The following RANBP17 variants were observed in gnomAD, a reference collection of about 807,000 sequenced individuals.
RANBP17 encodes ran-binding protein 17.
Under a neutral mutation model 141.2 loss-of-function variants are expected in RANBP17, and 158 were observed. The observed-to-expected ratio is 1.12, with a 90% CI of 0.98 to 1.28. The LOEUF (loss-of-function observed/expected upper bound fraction) is 1.28, where lower values mean the gene tolerates loss of function less well. Among genes scored for constraint, RANBP17 ranks in the 50% most tolerant of loss-of-function variants. The pLI, the probability that RANBP17 is intolerant of heterozygous loss-of-function variation, is 0.00. For synonymous variants in RANBP17, 430 were observed against 450.0 expected (o/e 0.96, Z 0.56); for missense variants, 1,438 against 1,290.7 (o/e 1.11, Z -1.75).
At chr5:171,274,736 A>G (rs1008945054) in intron 25 of RANBP17, among the ~76,000 whole-genome samples, 1 of 152,168 alleles carries the variant, frequency 6.6e-6, no homozygotes, top group Non-Finnish European at 1.5e-5. Flanking sequence ...TAAACCCCCA[A>G]AATATTAGTT....
At chr5:171,038,203 C>T (rs765123107) in intron 14 of RANBP17, among the ~76,000 whole-genome samples, 11 of 145,590 alleles carry the variant, frequency 7.6e-5, no homozygotes, top group East Asian at 4.1e-4. Context: ...TGTGCACGTG[C>T]ACAGCAATTA....
intron 14 of RANBP17, among the ~76,000 whole-genome samples, chr5:171,168,520 A>T (rs1238575651): frequency 6.6e-6 from 1 of 152,066 alleles, no homozygotes; most frequent in Non-Finnish European, 1.5e-5. Flanking sequence ...TATACGAGAG[A>T]GGTTTGGCAT....
At chr5:170,897,889 T>C (rs1770272739) in intron 5 of RANBP17, among the ~76,000 whole-genome samples, 1 of 152,254 alleles carries the variant, frequency 6.6e-6, no homozygotes, top group Non-Finnish European at 1.5e-5. Flanking sequence ...TGTGTCTTTA[T>C]AGTAGAATTA....
At chr5:171,098,225 A>G (rs963357690) in intron 14 of RANBP17, among the ~76,000 whole-genome samples, 6 of 152,154 alleles carry the variant, frequency 3.9e-5, no homozygotes, top group African/African-American at 1.4e-4. Flanking sequence ...GTCTTCCACA[A>G]TGGTTGAATT....
At chr5:171,206,210 G>A (rs1349702629) in intron 20 of RANBP17, 2 of 161,806 alleles carry the variant, frequency 1.2e-5, no homozygotes, top group East Asian at 3.7e-4. Context: ...AGACTTTGGT[G>A]ATAGACAGAC....
At chr5:171,119,363 G>A (rs540972364) in intron 14 of RANBP17, among the ~76,000 whole-genome samples, 23 of 152,190 alleles carry the variant, frequency 1.5e-4, no homozygotes, top group African/African-American at 4.3e-4. Context: ...TTTTGATATC[G>A]GGGTTATACT....
At chr5:171,157,279 G>T (rs995782462) in intron 14 of RANBP17, among the ~76,000 whole-genome samples, 1 of 152,158 alleles carries the variant, frequency 6.6e-6, no homozygotes, top group Non-Finnish European at 1.5e-5. Context: ...GATGTTTAAA[G>T]CTACAGTGTG....
At chr5:171,258,050 G>A (rs991330033) in intron 24 of RANBP17, among the ~76,000 whole-genome samples, 1 of 151,522 alleles carries the variant, frequency 6.6e-6, no homozygotes, top group African/African-American at 2.4e-5. Flanking sequence ...AGGTTGCAGT[G>A]AGCCGAGATC....
intron 24 of RANBP17, among the ~76,000 whole-genome samples, chr5:171,257,134 A>G (rs1765951410): frequency 6.6e-6 from 1 of 152,160 alleles, no homozygotes; most frequent in African/African-American, 2.4e-5. Context: ...ACTACAGGCC[A>G]TTATGAACAT....
At chr5:171,028,927 T>C (rs1392688471) in intron 14 of RANBP17, 2 of 1,288,780 alleles carry the variant, frequency 1.6e-6, no homozygotes, top group Non-Finnish European at 1.0e-6. Flanking sequence ...CTCGGGTTTC[T>C]TCTTCCTTGA....
At chr5:171,011,632 C>T (rs901328556) in intron 14 of RANBP17, among the ~76,000 whole-genome samples, 2 of 151,750 alleles carry the variant, frequency 1.3e-5, no homozygotes, top group African/African-American at 4.8e-5. Context: ...GATATATAAC[C>T]TTTTTTTGGT....
intron 14 of RANBP17, among the ~76,000 whole-genome samples, chr5:171,094,260 T>A (rs1307852851): frequency 6.6e-6 from 1 of 152,086 alleles, no homozygotes; most frequent in African/African-American, 2.4e-5. Flanking sequence ...GTGTTTTAAT[T>A]GTGTGTGTTG....
intron 21 of RANBP17, among the ~76,000 whole-genome samples, chr5:171,215,257 A>T (rs1478947081): frequency 1.3e-5 from 2 of 152,066 alleles, no homozygotes; most frequent in Non-Finnish European, 2.9e-5. Context: ...ATGGCTGCAT[A>T]GTGTTCCGTG....
At chr5:171,159,896 C>T (rs1283009190) in intron 14 of RANBP17, among the ~76,000 whole-genome samples, 13 of 121,134 alleles carry the variant, frequency 1.1e-4, no homozygotes, top group Admixed American at 9.1e-4. Flanking sequence ...CCAGCCTGGG[C>T]GACAGAGTGA....
intron 25 of RANBP17, among the ~76,000 whole-genome samples, chr5:171,289,463 C>T (rs1768352922): frequency 6.6e-6 from 1 of 152,146 alleles, no homozygotes; most frequent in African/African-American, 2.4e-5. Flanking sequence ...TTGGGCATTT[C>T]GGCCAGGCAC....
chr5:170,862,472 C>A (rs1319161877), intron 1 of RANBP17, among the ~76,000 whole-genome samples: 1 of 152,190 alleles, frequency 6.6e-6, no homozygotes, highest in Non-Finnish European at 1.5e-5. Flanking sequence ...CCCGCCGCGT[C>A]GCCGGCGCGG....
chr5:171,233,511 GATAA>G (rs1764335069), intron 22 of RANBP17, among the ~76,000 whole-genome samples: 1 of 151,804 alleles, frequency 6.6e-6, no homozygotes, highest in Admixed American at 6.6e-5. Context: ...TAGGTGAGTG[GATAA>G]ATAAACAACA....
At chr5:170,915,425 T>C (rs1312506470) in intron 8 of RANBP17, among the ~76,000 whole-genome samples, 1 of 152,150 alleles carries the variant, frequency 6.6e-6, no homozygotes, top group Non-Finnish European at 1.5e-5. Context: ...GCATTGAGAT[T>C]GAAACACAGG....
intron 3 of RANBP17, among the ~76,000 whole-genome samples, chr5:170,887,330 A>T (rs904704203): frequency 4.6e-5 from 7 of 152,130 alleles, no homozygotes; most frequent in African/African-American, 1.7e-4. Context: ...TTCGTGGATT[A>T]TGCCTTTGGT....
Sources: gnomAD v4.1 joint callset for allele counts (sites outside exome capture counted in the v4.1 genomes callset) on GRCh38, gnomAD v4.1.1 for gene constraint, MANE v1.5 for transcripts, NCBI Gene and HGNC (gene_info 2026-07-23, HGNC 2026-07-21) for gene names.